JCAD: variants seen among roughly 807,000 people sequenced by gnomAD.
The protein encoded by JCAD is junctional cadherin 5 associated.
In JCAD, 40 loss-of-function variants were observed where a neutral mutation model predicts 98.0. The observed-to-expected ratio is 0.41, with a 90% CI of 0.32 to 0.53. The LOEUF is 0.53. Ranked by LOEUF, JCAD falls within the 20% of genes least tolerant of loss-of-function variation. The pLI, the probability that JCAD is intolerant of heterozygous loss-of-function variation, is 0.31. For synonymous variants in JCAD, 691 were observed against 682.3 expected, an observed-to-expected ratio of 1.01 and a Z score of -0.20; for missense variants, 1,705 against 1,738.1, an observed-to-expected ratio of 0.98 and a Z score of 0.34.
At chr10:30,070,105 G>A (rs1021556079) in intron 1 of JCAD, among the ~76,000 whole-genome samples, 3 of 152,114 alleles carry the variant, frequency 2.0e-5, no homozygotes, top group Admixed American at 1.3e-4. Context: ...CGACTACAGA[G>A]GATAATTAGT....
chr10:30,109,289 G>A (rs1838645735), intron 1 of JCAD, among the ~76,000 whole-genome samples: 3 of 152,166 alleles, frequency 2.0e-5, no homozygotes, highest in Admixed American at 2.0e-4. Context: ...TGAAATGCAT[G>A]TCTAGGCTTG....
intron 3 of JCAD, among the ~76,000 whole-genome samples, chr10:30,020,118 C>G (rs1213771924): frequency 2.6e-5 from 4 of 151,558 alleles, no homozygotes; most frequent in Non-Finnish European, 4.4e-5. Flanking sequence ...AACCTGAGGT[C>G]GAGTTGGAGA....
In JCAD at chr10:30,016,397, G is replaced by A. The variant is rs1290136637; in HGVS notation, c.*1486C>T. On this transcript the variant is annotated 3_prime_UTR_variant, in exon 4 of 4. Coordinates refer to ENST00000375377, the MANE Select transcript of JCAD (RefSeq NM_020848.4). ...GGGAGGACAGAAGGAAGGAAGAAAG[G>A]AAGGGAGGGAGGGAGGGAGGGAGGG... is the stretch of plus-strand genomic sequence containing the variant. 5 of 77,866 alleles carry A rather than the reference G, an allele frequency of 6.4e-5. No individual in the cohort carries two copies. In the Admixed American group the frequency reaches 7.9e-4, roughly 12 times the overall value. 4.8% of individuals were successfully genotyped at this position (77,866 alleles called of 1,614,324 possible).
chr10:30,092,122 AT>A lies in JCAD; in HGVS notation n.129-22302del, dbSNP rs1327019874. ...TTTATATATATATATATATATATAT[AT>A]ATAAAAAACATTTTAACTCTTTGCA... On this transcript the variant is annotated intron_variant and non_coding_transcript_variant, in intron 1 of 2. Coordinates refer to the JCAD transcript ENST00000465712. Among the ~76,000 whole-genome samples the A allele has an allele frequency of 1.3e-3, 154 of 114,786 alleles. 3 individuals carry two copies. The highest frequency in any genetic ancestry group is 0.011 in the South Asian group (41 of 3,650). The allele number at this position is 114,786 out of a possible 152,430, so 75.3% of individuals were successfully genotyped here.
chr10:30,030,173 G>C (rs543567215), intron 2 of JCAD, among the ~76,000 whole-genome samples: 1 of 152,224 alleles, frequency 6.6e-6, no homozygotes, highest in Admixed American at 6.5e-5. Flanking sequence ...GCCGGGCACC[G>C]TGGCTCATGC....
Position 30,029,606 on chromosome 10 carries a change from C to T in JCAD, c.542G>A (p.Trp181Ter), listed in dbSNP as rs1325140520. Residue 181 changes from tryptophan to a stop codon, truncating the protein, a stop_gained, in exon 3 of 4, where the codon TGG becomes TAG. Coordinates refer to ENST00000375377, the MANE Select transcript of JCAD (RefSeq NM_020848.4). LOFTEE classifies it high-confidence loss of function. ...CCAGCTTTCCAGGCTGACGTTCTGCCACTTGGCAGGACCTGACATTCGCAA... is the reference window on the plus strand; with the variant it reads ...CCAGCTTTCCAGGCTGACGTTCTGCTACTTGGCAGGACCTGACATTCGCAA... ...EELRMSGPAKWQNVSLESWNQ... is the reference protein window; with the variant it reads ...EELRMSGPAK The T allele has an allele frequency of 6.2e-7, 1 of 1,614,256 alleles. No individual in the cohort carries two copies.
chr10:30,032,772 T>C (rs1837029370), intron 2 of JCAD, among the ~76,000 whole-genome samples: 1 of 152,198 alleles, frequency 6.6e-6, no homozygotes, highest in South Asian at 2.1e-4. Context: ...AGATATCTGG[T>C]ATTATGTGAA....
intron 2 of JCAD, among the ~76,000 whole-genome samples, chr10:30,039,009 C>T (rs1176094843): frequency 6.6e-6 from 1 of 152,186 alleles, no homozygotes; most frequent in African/African-American, 2.4e-5. Flanking sequence ...AACCCCTAAC[C>T]CCCGACTCAC....
In JCAD at chr10:30,088,621, A is replaced by T. The variant is rs183490678; in HGVS notation, n.129-18800T>A. ...GATAAAGTCCATGGGAAGAAAAGAA[A>T]ACAACGGACAGATAATTTATCTCTA... On this transcript the variant is annotated intron_variant and non_coding_transcript_variant, in intron 1 of 2. Coordinates refer to the JCAD transcript ENST00000465712. 9.7e-4 allele frequency among the ~76,000 whole-genome samples: 148 copies of T among 152,292 alleles called. 4 individuals carry two copies. Among genetic ancestry groups the T allele is most frequent in the Admixed American group, 7.0e-3 (107 of 15,294 alleles).
chr10:30,098,033 T>C (rs1467596985), intron 1 of JCAD, among the ~76,000 whole-genome samples: 1 of 152,164 alleles, frequency 6.6e-6, no homozygotes, highest in Non-Finnish European at 1.5e-5. Context: ...ATGGACGGTA[T>C]TGCTGCCAAA....
intron 1 of JCAD, among the ~76,000 whole-genome samples, chr10:30,084,324 T>C (rs956291680): frequency 3.3e-5 from 5 of 152,220 alleles, no homozygotes; most frequent in Non-Finnish European, 5.9e-5. Flanking sequence ...TGACTTGATA[T>C]AAAATATAGT....
rs1836446933 is a variant in JCAD at position 30,012,839 on chromosome 10, CTG to C, written c.*5042_*5043del. 1.3e-5 allele frequency: 2 copies of C among 152,326 alleles called. No individual in the cohort carries two copies. Among genetic ancestry groups the C allele is most frequent in the Admixed American group, 6.5e-5 (1 of 15,288 alleles). The allele number at this position is 152,326 out of a possible 1,614,324, so 9.4% of individuals were successfully genotyped here. A position where few individuals can be genotyped will look rare whatever the true frequency, so the allele number is the denominator to read the frequency against. ...ATCTTTATTTGGAACATGTATGTTACTGAGCAGGCCAGCCGCCATCCTGAAAT... is the reference window on the plus strand; with the variant it reads ...ATCTTTATTTGGAACATGTATGTTACAGCAGGCCAGCCGCCATCCTGAAAT... On this transcript the variant is annotated 3_prime_UTR_variant, in exon 4 of 4. Transcript: ENST00000375377.
At chr10:30,029,922 T>C (rs2132620222) in intron 2 of JCAD, 56 bp from the exon 3 acceptor site, 2 of 1,518,818 alleles carry the variant, frequency 1.3e-6, no homozygotes, top group Non-Finnish European at 1.8e-6. Flanking sequence ...CTTCATCTGC[T>C]TCTGTGACTG....
At chr10:30,077,697 G>T (rs1027613669) in intron 1 of JCAD, among the ~76,000 whole-genome samples, 1 of 152,048 alleles carries the variant, frequency 6.6e-6, no homozygotes, top group African/African-American at 2.4e-5. Flanking sequence ...TTTATGTCTG[G>T]CTTATTTCAC....
At chr10:30,070,448 A>C (rs558816020) in intron 1 of JCAD, among the ~76,000 whole-genome samples, 9 of 152,324 alleles carry the variant, frequency 5.9e-5, no homozygotes, top group Admixed American at 2.0e-4. Flanking sequence ...ACTTCCTTGT[A>C]AAAGAATGAA....
rs1311234362 is a variant in JCAD, at chr10:30,027,347, C to T, written c.2801G>A (p.Arg934His). The T allele has an allele frequency of 1.1e-5, 17 of 1,612,104 alleles. No individual in the cohort carries two copies. Among genetic ancestry groups the T allele is most frequent in the African/African-American group, 1.3e-5 (1 of 74,942 alleles). ...HPRAWPPSPG[R>H]FRVEEGGGAP... ...ACCGCCACCTTCTTCCACGCGAAAG[C>T]GGCCCGGGGATGGAGGCCAGGCACG... is the stretch of plus-strand genomic sequence containing the variant. Residue 934 changes from arginine to histidine, a missense_variant, in exon 3 of 4, where the codon CGC (arginine) becomes CAC (histidine). Arg to His is a conservative substitution (Grantham distance 29, BLOSUM62 0). Coordinates refer to ENST00000375377, the MANE Select transcript of JCAD (RefSeq NM_020848.4).
chr10:30,038,507 G>A lies in JCAD; in HGVS notation c.282-8641C>T, dbSNP rs945448595. Among the ~76,000 whole-genome samples, 16 of 151,680 alleles carry A rather than the reference G, an allele frequency of 1.1e-4. No homozygotes were observed. The East Asian group carries it at 3.1e-3, about 29-fold the overall frequency. The stretch of plus-strand genomic sequence containing the variant: ...GAGACCAGCCTGGGAAACATAAGGA[G>A]ACCTAGTCTCCACAAAAAATTTAAA... On this transcript the variant is annotated intron_variant, in intron 2 of 3. Transcript: ENST00000375377.
rs116475179 is a variant in JCAD, at chr10:30,058,741, C to A, written c.-60+741G>T. 2.6e-3 allele frequency among the ~76,000 whole-genome samples: 391 copies of A among 152,174 alleles called. 2 individuals are homozygous for A. The highest frequency in any genetic ancestry group is 8.7e-3 in the African/African-American group (363 of 41,558). ...TCTGAGCGCAGAGACCCTAGGAGGG[C>A]GGGTTCCAGATCCCATAAATGAGAT... On this transcript the variant is annotated intron_variant, in intron 1 of 3. Coordinates refer to ENST00000375377, the MANE Select transcript of JCAD (RefSeq NM_020848.4).
intron 1 of JCAD, among the ~76,000 whole-genome samples, chr10:30,050,811 A>G (rs1308147883): frequency 6.6e-6 from 1 of 152,220 alleles, no homozygotes; most frequent in Non-Finnish European, 1.5e-5. Context: ...AAAAACCTGA[A>G]CTATAAACCC....
Sources: allele counts gnomAD v4.1 joint callset (sites outside exome capture counted in the v4.1 genomes callset), GRCh38; gene constraint gnomAD v4.1.1; transcripts MANE v1.5; gene names NCBI Gene and HGNC (gene_info 2026-07-23, HGNC 2026-07-21).